The following ZMAT4 variants were observed in gnomAD, a reference collection of about 807,000 sequenced individuals.
ZMAT4 encodes the protein zinc finger matrin-type 4.
Under a neutral mutation model 28.7 loss-of-function variants are expected in ZMAT4, and 17 were observed. The ratio of observed to expected loss-of-function variants is 0.59; its 90% CI spans 0.41 to 0.89. ZMAT4 has a LOEUF of 0.89. ZMAT4 is among the 40% of genes least tolerant of loss of function. The pLI is 0.00. For synonymous variants in ZMAT4, 117 were observed against 109.2 expected, an observed-to-expected ratio of 1.07 and a Z score of -0.44; for missense variants, 240 against 283.8, an observed-to-expected ratio of 0.85 and a Z score of 1.11.
intron 5 of ZMAT4, among the ~76,000 whole-genome samples, chr8:40,665,092 A>G (rs1585844001): frequency 1.3e-5 from 2 of 152,128 alleles, no homozygotes; most frequent in Non-Finnish European, 2.9e-5. Flanking sequence ...TGTAATTCCA[A>G]CTACTCAGGA....
intron 3 of ZMAT4, among the ~76,000 whole-genome samples, chr8:40,705,734 C>T (rs532153579): frequency 2.0e-5 from 3 of 152,280 alleles, no homozygotes; most frequent in African/African-American, 7.2e-5. Flanking sequence ...GGCAAGAGCA[C>T]TTAACACCAA....
intron 4 of ZMAT4, among the ~76,000 whole-genome samples, chr8:40,675,587 A>C (rs1339117485): frequency 1.3e-5 from 2 of 152,210 alleles, no homozygotes; most frequent in East Asian, 3.8e-4. Flanking sequence ...AATAAAGCTA[A>C]TACTTGAAGT....
chr8:40,645,706 T>G (rs1211164781), intron 5 of ZMAT4, among the ~76,000 whole-genome samples: 1 of 152,124 alleles, frequency 6.6e-6, no homozygotes, highest in Non-Finnish European at 1.5e-5. Context: ...CTGAGATTCA[T>G]ACAGAGAGGT....
intron 6 of ZMAT4, among the ~76,000 whole-genome samples, chr8:40,575,367 G>A (rs947496135): frequency 1.3e-5 from 2 of 152,008 alleles, no homozygotes; most frequent in African/African-American, 4.8e-5. Flanking sequence ...CTATGCCTTG[G>A]GCTAGAGAAA....
At chr8:40,845,389 A>G (rs1816848375) in intron 1 of ZMAT4, among the ~76,000 whole-genome samples, 1 of 152,258 alleles carries the variant, frequency 6.6e-6, no homozygotes, top group African/African-American at 2.4e-5. Context: ...ACAAAAAGTT[A>G]GAAGTTATTA....
At chr8:40,682,369 G>A (rs1809209742) in intron 4 of ZMAT4, among the ~76,000 whole-genome samples, 1 of 152,174 alleles carries the variant, frequency 6.6e-6, no homozygotes, top group African/African-American at 2.4e-5. Flanking sequence ...GGCCCAGTCA[G>A]AATATAATGT....
At chr8:40,773,316 A>T (rs11987265) in intron 2 of ZMAT4, among the ~76,000 whole-genome samples, 1 of 152,220 alleles carries the variant, frequency 6.6e-6, no homozygotes, top group Admixed American at 6.5e-5. Context: ...CCGAGGTGCC[A>T]GGTCCCAGAC....
At chr8:40,664,358 A>T (rs565412235) in intron 5 of ZMAT4, among the ~76,000 whole-genome samples, 1 of 152,238 alleles carries the variant, frequency 6.6e-6, no homozygotes, top group Non-Finnish European at 1.5e-5. Flanking sequence ...CTCTTCTTCT[A>T]CTTAGCTTTT....
intron 6 of ZMAT4, among the ~76,000 whole-genome samples, chr8:40,555,144 G>A (rs1452548824): frequency 6.6e-6 from 1 of 152,114 alleles, no homozygotes; most frequent in Non-Finnish European, 1.5e-5. Flanking sequence ...CAAATGGCAT[G>A]ATTTCTTTCT....
intron 1 of ZMAT4, among the ~76,000 whole-genome samples, chr8:40,854,717 G>T (rs1380228380): frequency 6.6e-6 from 1 of 152,146 alleles, no homozygotes; most frequent in South Asian, 2.1e-4. Flanking sequence ...AAGGCAAAAG[G>T]ATGGCAGGGA....
At chr8:40,844,904 A>G (rs1275663989) in intron 1 of ZMAT4, among the ~76,000 whole-genome samples, 2 of 152,176 alleles carry the variant, frequency 1.3e-5, no homozygotes, top group African/African-American at 2.4e-5. Flanking sequence ...GAATCAGGGT[A>G]AGAACTCAGG....
intron 6 of ZMAT4, among the ~76,000 whole-genome samples, chr8:40,556,269 C>T (rs1004851049): frequency 7.2e-5 from 11 of 152,162 alleles, no homozygotes; most frequent in African/African-American, 1.2e-4. Context: ...TCCCAACACT[C>T]TTGTTCAGTT....
At chr8:40,548,774 G>A (rs1227490509) in intron 6 of ZMAT4, among the ~76,000 whole-genome samples, 5 of 152,100 alleles carry the variant, frequency 3.3e-5, no homozygotes, top group Admixed American at 1.3e-4. Flanking sequence ...ACAGGAATGA[G>A]GCTGATAGAA....
chr8:40,579,741 T>G (rs1212017781), intron 6 of ZMAT4, among the ~76,000 whole-genome samples: 2 of 152,198 alleles, frequency 1.3e-5, no homozygotes, highest in Admixed American at 6.5e-5. Context: ...AAATCACATA[T>G]TCATTTAATC....
In ZMAT4 at chr8:40,816,392, AT is replaced by A. The variant is rs575246273; in HGVS notation, c.102+9182del. ...ATGACTATAATGTAAGGAAGAAAGA[AT>A]TTTTTTTTTATTTCTAAGATGCTGA... On this transcript the variant is annotated intron_variant, in intron 2 of 6. Coordinates refer to ENST00000297737, the MANE Select transcript of ZMAT4 (RefSeq NM_024645.3). Among the ~76,000 whole-genome samples, 289 of 151,094 alleles carry A rather than the reference AT, an allele frequency of 1.9e-3. 1 individual carries two copies. Among genetic ancestry groups the A allele is most frequent in the African/African-American group, 5.3e-3 (220 of 41,160 alleles).
intron 2 of ZMAT4, among the ~76,000 whole-genome samples, chr8:40,770,011 T>C (rs1436005906): frequency 2.6e-5 from 4 of 152,114 alleles, no homozygotes; most frequent in Non-Finnish European, 5.9e-5. Context: ...ACAGGCCTGT[T>C]TTCCTCCCTC....
At chr8:40,738,218 T>C (rs560747418) in intron 3 of ZMAT4, among the ~76,000 whole-genome samples, 117 of 151,464 alleles carry the variant, frequency 7.7e-4, no homozygotes, top group South Asian at 4.6e-3. Context: ...AACTGGGGAG[T>C]TGGATTGCAG....
chr8:40,625,091 T>C (rs1266608410), intron 5 of ZMAT4, among the ~76,000 whole-genome samples: 2 of 152,088 alleles, frequency 1.3e-5, no homozygotes, highest in Admixed American at 1.3e-4. Context: ...GAGCGGGTGG[T>C]AGCCATATGA....
chr8:40,638,941 T>A (rs1806898245), intron 5 of ZMAT4, among the ~76,000 whole-genome samples: 1 of 152,242 alleles, frequency 6.6e-6, no homozygotes, highest in African/African-American at 2.4e-5. Context: ...AATACATAAC[T>A]GTTAAATGAT....
Sources: allele counts gnomAD v4.1 joint callset (sites outside exome capture counted in the v4.1 genomes callset), GRCh38; gene constraint gnomAD v4.1.1; transcripts MANE v1.5; gene names NCBI Gene and HGNC (gene_info 2026-07-23, HGNC 2026-07-21).